EN1: variants seen among roughly 807,000 people sequenced by gnomAD.
EN1 encodes engrailed homeobox 1.
EN1 carries 8 observed loss-of-function variants against 22.9 expected under a neutral mutation model. The ratio of observed to expected loss-of-function variants is 0.35; its 90% CI spans 0.20 to 0.63. EN1 has a LOEUF of 0.63. Among genes scored for constraint, EN1 ranks in the 20% least tolerant of loss-of-function variants. The probability of loss-of-function intolerance (pLI) is 0.73; values close to 1 mark genes in which losing one functional copy is unlikely to be tolerated. For synonymous variants in EN1, 287 were observed against 262.5 expected, an observed-to-expected ratio of 1.09 and a Z score of -0.90; for missense variants, 521 against 572.1, an observed-to-expected ratio of 0.91 and a Z score of 0.91.
At chr2:118,845,343 G>T (rs1365661208) in intron 1 of EN1, among the ~76,000 whole-genome samples, 5 of 152,216 alleles carry the variant, frequency 3.3e-5, no homozygotes, top group Non-Finnish European at 7.3e-5. Flanking sequence ...CAGACACTGC[G>T]GGCCGGGGCG....
rs2104612470 is a variant in EN1 at position 118,846,989 on chromosome 2, G to A, written c.179C>T (p.Pro60Leu). Residue 60 changes from proline to leucine, a missense_variant, in exon 1 of 2, where the codon CCC becomes CTC. Pro to Leu is a moderately conservative substitution (Grantham distance 98, BLOSUM62 -3). Transcript: ENST00000295206. The surrounding 1 kb of genome is among the most constrained non-coding windows in gnomAD (Gnocchi z 5.0). ...VSPQPAPPSP[P>L]AAPCLPPLAH... is the part of the protein sequence containing the mutation. The stretch of plus-strand genomic sequence containing the variant: ...CAGGGGCGGCAGGCAAGGCGCCGCG[G>A]GCGGCGAGGGGGGCGCAGGCTGCGG... 7.4e-7 allele frequency: 1 copy of A among 1,359,454 alleles called. No individual in the cohort carries two copies. The highest frequency in any genetic ancestry group is 9.4e-7 in the Non-Finnish European group (1 of 1,066,720). 84.2% of individuals were successfully genotyped at this position (1,359,454 alleles called of 1,614,324 possible).
At position 118,847,388 on chromosome 2, in the gene EN1, T is replaced by A; in HGVS notation, c.-221A>T. On this transcript the variant is annotated 5_prime_UTR_variant, in exon 1 of 2. Coordinates refer to ENST00000295206, the MANE Select transcript of EN1 (RefSeq NM_001426.4). ...ATCTCGCTGTCTCTCCCTCTCTAAT[T>A]TGTAGACATCCAGATATGGAGACAC... The A allele has an allele frequency of 2.8e-6, 1 of 352,200 alleles. No individual in the cohort carries two copies. The highest frequency in any genetic ancestry group is 5.1e-6 in the Non-Finnish European group (1 of 197,242). The allele number at this position is 352,200 out of a possible 1,614,324, so 21.8% of individuals were successfully genotyped here. A position where few individuals can be genotyped will look rare whatever the true frequency, so the allele number is the denominator to read the frequency against.
Position 118,846,190 on chromosome 2 carries a change from G to T in EN1, c.862+116C>A. 1 of 1,449,432 alleles carries T rather than the reference G, an allele frequency of 6.9e-7. No homozygotes were observed. The highest frequency in any genetic ancestry group is 9.3e-7 in the Non-Finnish European group (1 of 1,080,666). 89.8% of individuals were successfully genotyped at this position (1,449,432 alleles called of 1,614,324 possible). A position where few individuals can be genotyped will look rare whatever the true frequency, so the allele number is the denominator to read the frequency against. ...GACTGGAACTGGGGTGAGGAAGCAG[G>T]CGTGAGAGACTGGAGTACCCGAGGC... On this transcript the variant is annotated intron_variant, in intron 1 of 1. Coordinates refer to ENST00000295206, the MANE Select transcript of EN1 (RefSeq NM_001426.4). The surrounding 1 kb of genome is among the most constrained non-coding windows in gnomAD (Gnocchi z 5.0).
rs752842693 is a variant in EN1 at position 118,842,980 on chromosome 2, G to T, written c.1137C>A (p.Asn379Lys). 1.9e-6 allele frequency: 3 copies of T among 1,614,128 alleles called. No individual in the cohort carries two copies. Among genetic ancestry groups the T allele is most frequent in the Non-Finnish European group, 2.5e-6 (3 of 1,179,998 alleles). Reference sequence around the variant, plus strand: ...TGTCCTGGACCGTGGTGGTGGAGTGGTTGTACAGTCCCTGGGCCATGAGGT... The same window carrying T: ...TGTCCTGGACCGTGGTGGTGGAGTGTTTGTACAGTCCCTGGGCCATGAGGT... ...ALHLMAQGLY[N>K]HSTTTVQDKD... is the part of the protein sequence containing the mutation. Residue 379 changes from asparagine (N) to lysine (K), a missense_variant, in exon 2 of 2, where the codon AAC becomes AAA. Asn to Lys is a moderately conservative substitution (Grantham distance 94). Coordinates refer to ENST00000295206, the MANE Select transcript of EN1 (RefSeq NM_001426.4).
Position 118,847,211 on chromosome 2 carries a change from C to T in EN1, c.-44G>A. On this transcript the variant is annotated 5_prime_UTR_variant, in exon 1 of 2. Coordinates refer to ENST00000295206, the MANE Select transcript of EN1 (RefSeq NM_001426.4). ...CCCGGCCGCCGCGCCGGCCCCCGCC[C>T]CCACCGCCTCGCTCCCCACCCCACT... The T allele has an allele frequency of 3.4e-6, 2 of 587,496 alleles. No individual in the cohort carries two copies. The highest frequency in any genetic ancestry group is 2.6e-6 in the Non-Finnish European group (1 of 377,858). 36.4% of individuals were successfully genotyped at this position (587,496 alleles called of 1,614,324 possible).
At position 118,843,083 on chromosome 2, in the gene EN1, G is replaced by C; in HGVS notation, c.1034C>G (p.Ser345Cys). 1 of 1,614,136 alleles carries C rather than the reference G, an allele frequency of 6.2e-7. No homozygotes were observed. Among genetic ancestry groups the C allele is most frequent in the Non-Finnish European group, 8.5e-7 (1 of 1,180,028 alleles). Residue 345 changes from serine (S) to cysteine (C), a missense_variant, in exon 2 of 2, where the codon TCC becomes TGC. By Grantham distance (112) the Ser-to-Cys change is moderately radical. Coordinates refer to ENST00000295206, the MANE Select transcript of EN1 (RefSeq NM_001426.4). The part of the protein sequence containing the change: ...TLAQELSLNE[S>C]QIKIWFQNKR... ...GTTCTGGAACCAGATCTTGATCTGG[G>C]ACTCGTTGAGGCTGAGTTCCTGGGC...
rs765876115 is a variant in EN1 at position 118,846,718 on chromosome 2, G to C, written c.450C>G (p.Ala150=). The C allele has an allele frequency of 2.9e-5, 46 of 1,592,046 alleles. No individual in the cohort carries two copies. Among genetic ancestry groups the C allele is most frequent in the South Asian group, 2.1e-4 (19 of 89,734 alleles). The part of the protein sequence containing the change: ...GRVERDRGQT[A]AGRDPVHPLG... ...ACGGGTGGACAGGGTCTCTACCTGC[G>C]GCAGTCTGGCCTCTGTCACGCTCGA... The change falls in exon 1 of 2, where the codon GCC becomes GCG. Residue 150 remains alanine (A), a synonymous_variant. Transcript: ENST00000295206. This position sits in a 1 kb window ranked among gnomAD's most constrained non-coding sequence, Gnocchi z 5.0.
rs1218572169 is a variant in EN1 at position 118,846,123 on chromosome 2, C to G, written c.862+183G>C. Among the ~76,000 whole-genome samples the G allele has an allele frequency of 1.3e-5, 2 of 151,998 alleles. No homozygotes were observed. The highest frequency in any genetic ancestry group is 1.3e-4 in the Admixed American group (2 of 15,274). On this transcript the variant is annotated intron_variant, in intron 1 of 1. Transcript: ENST00000295206. The surrounding 1 kb of genome is among the most constrained non-coding windows in gnomAD (Gnocchi z 5.0). ...GAGCTGTAGCTTCTCGGGTGGTGGC[C>G]GCAGAGGCCAGGATCGCATAGCTGG...
chr2:118,843,054 G>T lies in EN1; in HGVS notation c.1063C>A (p.Arg355Ser), dbSNP rs200272085. 1 of 1,614,160 alleles carries T rather than the reference G, an allele frequency of 6.2e-7. No homozygotes were observed. The highest frequency in any genetic ancestry group is 8.5e-7 in the Non-Finnish European group (1 of 1,180,026). ...CCTGTGGCTTTCTTGATCTTGGCGC[G>T]CTTGTTCTGGAACCAGATCTTGATC... ...SQIKIWFQNKRAKIKKATGIK... is the reference protein window; with the variant it reads ...SQIKIWFQNKSAKIKKATGIK... The change falls in exon 2 of 2, where the codon CGC (arginine) becomes AGC (serine). Residue 355 changes from arginine (R) to serine (S), a missense_variant. Physicochemically the swap from Arg to Ser is moderately radical, Grantham distance 110. Coordinates refer to ENST00000295206, the MANE Select transcript of EN1 (RefSeq NM_001426.4).
Position 118,843,199 on chromosome 2 carries a change from C to T in EN1, c.918G>A (p.Pro306=), listed in dbSNP as rs879079590. ...KKKNEKEDKR[P]RTAFTAEQLQ... is the part of the protein sequence containing the mutation. ...GCTGCTCGGCCGTGAACGCGGTCCG[C>T]GGCCGCTTGTCCTCCTTCTCGTTCT... The change falls in exon 2 of 2, where the codon CCG becomes CCA. Residue 306 remains proline, a synonymous_variant. Coordinates refer to ENST00000295206, the MANE Select transcript of EN1 (RefSeq NM_001426.4). 1 of 1,506,198 alleles carries T rather than the reference C, an allele frequency of 6.6e-7. No individual in the cohort carries two copies. The highest frequency in any genetic ancestry group is 9.0e-7 in the Non-Finnish European group (1 of 1,114,812). 93.3% of individuals were successfully genotyped at this position (1,506,198 alleles called of 1,614,324 possible).
rs1460325992 is a variant in EN1 at position 118,842,716 on chromosome 2, G to A, written c.*222C>T. 6.2e-6 allele frequency: 5 copies of A among 805,418 alleles called. No homozygotes were observed. Among genetic ancestry groups the A allele is most frequent in the African/African-American group, 1.7e-5 (1 of 57,542 alleles). The allele number at this position is 805,418 out of a possible 1,614,324, so 49.9% of individuals were successfully genotyped here. On this transcript the variant is annotated 3_prime_UTR_variant, in exon 2 of 2. Coordinates refer to ENST00000295206, the MANE Select transcript of EN1 (RefSeq NM_001426.4). The stretch of plus-strand genomic sequence containing the variant: ...GTCCCTTATACTGGGAATAGAGAAT[G>A]GATCTTATTTTTCGATAGCACCTGT...
At position 118,842,965 on chromosome 2, in the gene EN1, C is replaced by T; in HGVS notation, c.1152G>A (p.Thr384=). 1 of 1,613,848 alleles carries T rather than the reference C, an allele frequency of 6.2e-7. No homozygotes were observed. The highest frequency in any genetic ancestry group is 2.2e-5 in the East Asian group (1 of 44,860). Residue 384 remains threonine (T), a synonymous_variant, in exon 2 of 2, where the codon ACG becomes ACA. Coordinates refer to ENST00000295206, the MANE Select transcript of EN1 (RefSeq NM_001426.4). The part of the protein sequence containing the change: ...AQGLYNHSTT[T]VQDKDESE ...ACTCGCTCTCGTCTTTGTCCTGGAC[C>T]GTGGTGGTGGAGTGGTTGTACAGTC... is the stretch of plus-strand genomic sequence containing the variant.
At position 118,842,936 on chromosome 2, in the gene EN1, G is replaced by A; in HGVS notation, c.*2C>T. On this transcript the variant is annotated 3_prime_UTR_variant, in exon 2 of 2. Transcript: ENST00000295206. ...CGCGGGCGCGGCCCCGGCCTGTGGC[G>A]GCTACTCGCTCTCGTCTTTGTCCTG... 1.3e-6 allele frequency: 2 copies of A among 1,599,318 alleles called. No individual in the cohort carries two copies. Among genetic ancestry groups the A allele is most frequent in the Non-Finnish European group, 1.7e-6 (2 of 1,168,754 alleles).
Position 118,842,651 on chromosome 2 carries a change from G to T in EN1, c.*287C>A, listed in dbSNP as rs1375848958. 2.9e-6 allele frequency: 1 copy of T among 350,372 alleles called. No individual in the cohort carries two copies. The highest frequency in any genetic ancestry group is 2.1e-5 in the African/African-American group (1 of 48,162). The allele number at this position is 350,372 out of a possible 1,614,324, so 21.7% of individuals were successfully genotyped here. On this transcript the variant is annotated 3_prime_UTR_variant, in exon 2 of 2. Transcript: ENST00000295206. ...AAATTAAATATATACAAGGTCGTAA[G>T]CGGTTTGGCTAGATAGAGCTTTAAG...
At chr2:118,843,324 C>A (rs918804318) in intron 1 of EN1, 70 bp from the exon 2 acceptor site, 1 of 1,207,376 alleles carries the variant, frequency 8.3e-7, no homozygotes, top group African/African-American at 1.5e-5. Context: ...GGGGAGAGGG[C>A]AAAGGAAGCC....
intron 1 of EN1, among the ~76,000 whole-genome samples, chr2:118,845,410 C>T (rs768792989): frequency 6.6e-6 from 1 of 152,232 alleles, no homozygotes; most frequent in Non-Finnish European, 1.5e-5. Flanking sequence ...TCCTCGGGTT[C>T]GCCAAGCGCG....
rs747015385 is a variant in EN1 at position 118,842,901 on chromosome 2, C to A, written c.*37G>T. On this transcript the variant is annotated 3_prime_UTR_variant, in exon 2 of 2. Coordinates refer to ENST00000295206, the MANE Select transcript of EN1 (RefSeq NM_001426.4). ...GGCCGGGAGACGACGGCGGCGGTGC[C>A]GGGAGGGGGCGCGGGCGCGGCCCCG... is the stretch of plus-strand genomic sequence containing the variant. The A allele has an allele frequency of 6.3e-7, 1 of 1,577,882 alleles. No individual in the cohort carries two copies. Among genetic ancestry groups the A allele is most frequent in the African/African-American group, 1.4e-5 (1 of 73,938 alleles).
rs1678267381 is a variant in EN1, at chr2:118,846,340, C to T, written c.828G>A (p.Val276=). The part of the protein sequence containing the change: ...SQQPLVWPAW[V]YCTRYSDRPS... ...GACGATCCGAATAACGTGTGCAGTA[C>T]ACCCAGGCGGGCCATACGAGAGGCT... is the stretch of plus-strand genomic sequence containing the variant. The change falls in exon 1 of 2, where the codon GTG becomes GTA. Residue 276 remains valine, a synonymous_variant. Coordinates refer to ENST00000295206, the MANE Select transcript of EN1 (RefSeq NM_001426.4). This position sits in a 1 kb window ranked among gnomAD's most constrained non-coding sequence, Gnocchi z 5.0. The T allele has an allele frequency of 6.2e-7, 1 of 1,612,958 alleles. No homozygotes were observed. Among genetic ancestry groups the T allele is most frequent in the Admixed American group, 1.7e-5 (1 of 59,960 alleles).
chr2:118,843,351 C>T (rs927293003), intron 1 of EN1, 97 bp from the exon 2 acceptor site: 289 of 1,070,406 alleles, frequency 2.7e-4, no homozygotes, highest in Non-Finnish European at 3.3e-4. Flanking sequence ...ATAGCATTGC[C>T]GAGCTGGGCC....
Sources: allele counts gnomAD v4.1 joint callset (sites outside exome capture counted in the v4.1 genomes callset), GRCh38; gene constraint gnomAD v4.1.1; non-coding constraint Gnocchi (gnomAD v3.1); transcripts MANE v1.5; gene names NCBI Gene and HGNC (gene_info 2026-07-23, HGNC 2026-07-21).